MMP10: variants seen among roughly 807,000 people sequenced by gnomAD.
The protein encoded by MMP10 is matrix metallopeptidase 10, also known as stromelysin-2.
MMP10 carries 50 observed loss-of-function variants against 49.1 expected under a neutral mutation model. The ratio of observed to expected loss-of-function variants is 1.02; its 90% CI spans 0.81 to 1.29. The LOEUF is 1.29. MMP10 is among the 50% of genes most tolerant of loss of function. The pLI is 0.00. For synonymous variants in MMP10, 229 were observed against 201.6 expected (o/e 1.14, Z -1.15); for missense variants, 613 against 563.8 (o/e 1.09, Z -0.88).
At chr11:102,773,044 C>G (rs1482636037) in intron 7 of MMP10, 38 bp from the exon 8 acceptor site, 1 of 1,551,908 alleles carries the variant, frequency 6.4e-7, no homozygotes, top group African/African-American at 1.4e-5. Flanking sequence ...TTACTTGAAG[C>G]CATTGATTTT....
In MMP10 at chr11:102,775,184, T is replaced by A. The variant is rs755452291; in HGVS notation, c.1066+4A>T. ...GCAAGTTGAAATTCTTATATAGTAC[T>A]CACCTTTAAAAATAAAAACGGTGTC... On this transcript the variant is annotated splice_donor_region_variant and intron_variant, in intron 7 of 9. Coordinates refer to ENST00000279441, the MANE Select transcript of MMP10 (RefSeq NM_002425.3). 1.9e-6 allele frequency: 3 copies of A among 1,586,140 alleles called. No individual in the cohort carries two copies. The Admixed American group carries it at 5.3e-5, about 28-fold the overall frequency.
chr11:102,775,209 C>G lies in MMP10; in HGVS notation c.1045G>C (p.Asp349His), dbSNP rs1292935744. ...LDAAYEVNSR[D>H]TVFIFKGNEF... The stretch of plus-strand genomic sequence containing the variant: ...TCACCTTTAAAAATAAAAACGGTGT[C>G]CCTGCTGTTAACTTCATATGCAGCA... The change falls in exon 7 of 10, where the codon GAC becomes CAC. Residue 349 changes from aspartate to histidine, a missense_variant. By Grantham distance (81) the Asp-to-His change is moderately conservative. Coordinates refer to ENST00000279441, the MANE Select transcript of MMP10 (RefSeq NM_002425.3). 1.9e-6 allele frequency: 3 copies of G among 1,597,658 alleles called. No individual in the cohort carries two copies. The highest frequency in any genetic ancestry group is 2.7e-5 in the African/African-American group (2 of 74,456).
In MMP10 at chr11:102,775,239, A is replaced by G; in HGVS notation, c.1015T>C (p.Leu339=). The change falls in exon 7 of 10, where the codon TTG becomes CTG. Residue 339 remains leucine (L), a synonymous_variant. Transcript: ENST00000279441. ...CTGTTAACTTCATATGCAGCATCCA[A>G]ATATGATGGAAGAGAGGGCCAAAAT... The part of the protein sequence containing the change: ...SAFWPSLPSY[L]DAAYEVNSRD... 1 of 1,610,376 alleles carries G rather than the reference A, an allele frequency of 6.2e-7. No homozygotes were observed. Among genetic ancestry groups the G allele is most frequent in the Non-Finnish European group, 8.5e-7 (1 of 1,177,846 alleles).
chr11:102,780,565 C>T lies in MMP10; in HGVS notation c.27G>A (p.Leu9=), dbSNP rs1470744618. Residue 9 remains leucine (L), a synonymous_variant, in exon 1 of 10, where the codon CTG becomes CTA. Coordinates refer to ENST00000279441, the MANE Select transcript of MMP10 (RefSeq NM_002425.3). MMHLAFLV[L]LCLPVCSAYP... The stretch of plus-strand genomic sequence containing the variant: ...AGGCAGAGCAGACTGGCAGACACAA[C>T]AGCACAAGGAATGCAAGATGCATCA... 3.1e-6 allele frequency: 5 copies of T among 1,613,874 alleles called. No homozygotes were observed. The highest frequency in any genetic ancestry group is 4.2e-6 in the Non-Finnish European group (5 of 1,179,896).
In MMP10 at chr11:102,779,326, G is replaced by A; in HGVS notation, c.383C>T (p.Ala128Val). Reference protein sequence around the residue: ...VNYTPDLPRDAVDSAIEKALK... With the variant: ...VNYTPDLPRDVVDSAIEKALK... ...AGCTTTCTCAATGGCAGAATCAACA[G>A]CATCTCTTGGCAAATCTGGTGTATA... is the stretch of plus-strand genomic sequence containing the variant. The change falls in exon 3 of 10, where the codon GCT becomes GTT. Residue 128 changes from alanine to valine, a missense_variant. Transcript: ENST00000279441. 1 of 1,614,108 alleles carries A rather than the reference G, an allele frequency of 6.2e-7. No homozygotes were observed. Among genetic ancestry groups the A allele is most frequent in the Non-Finnish European group, 8.5e-7 (1 of 1,180,008 alleles).
chr11:102,777,603 C>T (rs1857760542), intron 4 of MMP10, among the ~76,000 whole-genome samples: 2 of 152,102 alleles, frequency 1.3e-5, no homozygotes, highest in Non-Finnish European at 2.9e-5. Context: ...GTAATAGGTG[C>T]CATTGGATGT....
intron 5 of MMP10, 34 bp downstream of exon 5, chr11:102,776,578 A>G (rs1299094901): frequency 6.3e-7 from 1 of 1,598,892 alleles, no homozygotes; most frequent in Non-Finnish European, 8.5e-7. Context: ...GTCATTGTAG[A>G]TCTGCAATGC....
At chr11:102,774,647 A>T (rs951508975) in intron 7 of MMP10, among the ~76,000 whole-genome samples, 9 of 152,238 alleles carry the variant, frequency 5.9e-5, no homozygotes, top group Admixed American at 1.3e-4. Context: ...TCAAGAAGTA[A>T]TAGAAACTCT....
Position 102,770,528 on chromosome 11 carries a change from TTTA to T in MMP10, c.*262_*264del, listed in dbSNP as rs1468199785. Reference sequence around the variant, plus strand: ...AAGGAACAGGCCCAAAATAAAACTTTTTATTGAGGAAGTAATAACACATCTATG... The same window carrying T: ...AAGGAACAGGCCCAAAATAAAACTTTTTGAGGAAGTAATAACACATCTATG... On this transcript the variant is annotated 3_prime_UTR_variant, in exon 10 of 10. Transcript: ENST00000279441. 3 of 334,384 alleles carry T rather than the reference TTTA, an allele frequency of 9.0e-6. No homozygotes were observed. The highest frequency in any genetic ancestry group is 1.6e-5 in the Non-Finnish European group (3 of 185,684). The allele number at this position is 334,384 out of a possible 1,614,324, so 20.7% of individuals were successfully genotyped here.
At chr11:102,776,575 T>C (rs371986589) in intron 5 of MMP10, 37 bp downstream of exon 5, 25 of 1,597,776 alleles carry the variant, frequency 1.6e-5, no homozygotes, top group Non-Finnish European at 2.0e-5. Context: ...ACTGTCATTG[T>C]AGATCTGCAA....
chr11:102,778,751 T>C lies in MMP10; in HGVS notation c.497-2A>G, dbSNP rs17860955. 28,473 of 1,613,542 alleles carry C rather than the reference T, an allele frequency of 0.018. 316 individuals carry two copies. The highest frequency in any genetic ancestry group is 0.022 in the Middle Eastern group (133 of 6,054). ...CAAAAGAGTAAAAGTCTCCATGTTC[T>C]GATAGGGAACAAATTAATGGAAATA... On this transcript the variant is annotated splice_acceptor_variant, in intron 3 of 9. Transcript: ENST00000279441. LOFTEE classifies it high-confidence loss of function.
In MMP10 at chr11:102,770,764, C is replaced by T; in HGVS notation, c.*29G>A. Reference sequence around the variant, plus strand: ...GAATAATTATTAGATTTATTAAAAACACCCATATCTGTCTTCCCCCTATCT... The same window carrying T: ...GAATAATTATTAGATTTATTAAAAATACCCATATCTGTCTTCCCCCTATCT... On this transcript the variant is annotated 3_prime_UTR_variant, in exon 10 of 10. Coordinates refer to ENST00000279441, the MANE Select transcript of MMP10 (RefSeq NM_002425.3). 1 of 1,378,236 alleles carries T rather than the reference C, an allele frequency of 7.3e-7. No individual in the cohort carries two copies. Among genetic ancestry groups the T allele is most frequent in the Non-Finnish European group, 1.0e-6 (1 of 988,536 alleles). 85.4% of individuals were successfully genotyped at this position (1,378,236 alleles called of 1,614,324 possible).
Position 102,776,637 on chromosome 11 carries a change from A to T in MMP10, c.762T>A (p.Asp254Glu), listed in dbSNP as rs369185884. 6.0e-5 allele frequency: 97 copies of T among 1,613,362 alleles called. No individual in the cohort carries two copies. The highest frequency in any genetic ancestry group is 8.0e-5 in the Non-Finnish European group (94 of 1,179,850). Residue 254 changes from aspartate (D) to glutamate (E), a missense_variant, in exon 5 of 10, where the codon GAT becomes GAA. Coordinates refer to ENST00000279441, the MANE Select transcript of MMP10 (RefSeq NM_002425.3). ...CGTAGAGAGACTGAATGCCATTCAC[A>T]TCATCTTGCGAAAGGCGGAACTGGG... ...ELAQFRLSQD[D>E]VNGIQSLYGP...
At position 102,772,228 on chromosome 11, in the gene MMP10, T is replaced by C. The variant is rs1486316355; in HGVS notation, c.1227-113A>G. 1.5e-6 allele frequency: 1 copy of C among 662,958 alleles called. No homozygotes were observed. The highest frequency in any genetic ancestry group is 3.3e-5 in the Admixed American group (1 of 30,670). The allele number at this position is 662,958 out of a possible 1,614,324, so 41.1% of individuals were successfully genotyped here. ...GGAATCCTAGACAAACTTTTTAAGT[T>C]GTGTAAAAAAGTGTTAAACATTTTT... is the stretch of plus-strand genomic sequence containing the variant. On this transcript the variant is annotated intron_variant, in intron 8 of 9. Transcript: ENST00000279441. This position sits in a 1 kb window ranked among gnomAD's most constrained non-coding sequence, Gnocchi z 4.4.
intron 6 of MMP10, 51 bp downstream of exon 6, chr11:102,776,229 A>G: frequency 6.6e-7 from 1 of 1,514,012 alleles, no homozygotes; most frequent in Non-Finnish European, 9.0e-7. Flanking sequence ...TTTCTTTCTA[A>G]GCACTGTACA....
In MMP10 at chr11:102,776,624, GA is replaced by G. The variant is rs1422239288; in HGVS notation, c.774del (p.Gln259SerfsTer43). 1 of 1,613,166 alleles carries G rather than the reference GA, an allele frequency of 6.2e-7. No homozygotes were observed. Among genetic ancestry groups the G allele is most frequent in the Admixed American group, 1.7e-5 (1 of 59,656 alleles). ...CAGCATCACTCACCGTAGAGAGACT[GA>G]ATGCCATTCACATCATCTTGCGAAA... ...FRLSQDDVNG[I>X]QSLYGPPPAS... On this transcript the variant is annotated frameshift_variant, in exon 5 of 10. Transcript: ENST00000279441. LOFTEE classifies it high-confidence loss of function.
At chr11:102,774,202 A>G (rs1201891769) in intron 7 of MMP10, among the ~76,000 whole-genome samples, 3 of 152,252 alleles carry the variant, frequency 2.0e-5, no homozygotes, top group Non-Finnish European at 4.4e-5. Context: ...AATTTGCTGG[A>G]TGAAACAGAA....
chr11:102,779,449 T>C (rs1198642414), intron 2 of MMP10, 55 bp downstream of exon 2: 74 of 1,609,386 alleles, frequency 4.6e-5, no homozygotes, highest in Non-Finnish European at 6.2e-5. Context: ...TATCCAAATA[T>C]GACGAGTAAC....
Position 102,772,599 on chromosome 11 carries a change from G to A in MMP10, c.1226+248C>T, listed in dbSNP as rs1289039065. On this transcript the variant is annotated intron_variant, in intron 8 of 9. Coordinates refer to ENST00000279441, the MANE Select transcript of MMP10 (RefSeq NM_002425.3). This position sits in a 1 kb window ranked among gnomAD's most constrained non-coding sequence, Gnocchi z 4.4. ...ATGGTGACTGGAAATGGAATAAGAG[G>A]TGAATGCCTTTGGACCTCAGCTGGC... Among the ~76,000 whole-genome samples the A allele has an allele frequency of 6.6e-6, 1 of 152,210 alleles. No individual in the cohort carries two copies. Among genetic ancestry groups the A allele is most frequent in the East Asian group, 1.9e-4 (1 of 5,190 alleles).
Sources: allele counts gnomAD v4.1 joint callset (sites outside exome capture counted in the v4.1 genomes callset), GRCh38; gene constraint gnomAD v4.1.1; non-coding constraint Gnocchi (gnomAD v3.1); transcripts MANE v1.5; gene names NCBI Gene and HGNC (gene_info 2026-07-23, HGNC 2026-07-21).